Variants in HDAC9 observed in about 807,000 individuals in gnomAD.
HDAC9 encodes MEF-2 interacting transcription repressor (MITR) protein.
Under a neutral mutation model 139.4 loss-of-function variants are expected in HDAC9, and 41 were observed. That is an observed-to-expected ratio of 0.29 (90% confidence interval 0.23 to 0.38). The LOEUF (loss-of-function observed/expected upper bound fraction) is 0.38. HDAC9 is among the 10% of genes least tolerant of loss of function. The pLI is 1.00. For synonymous variants in HDAC9, 517 were observed against 476.2 expected, an observed-to-expected ratio of 1.09 and a Z score of -1.12; for missense variants, 1,147 against 1,297.0, an observed-to-expected ratio of 0.88 and a Z score of 1.78.
intron 1 of HDAC9, among the ~76,000 whole-genome samples, chr7:18,341,638 G>A (rs185896349): frequency 4.2e-4 from 64 of 151,602 alleles, no homozygotes; most frequent in South Asian, 1.0e-3. Flanking sequence ...GGACATAGGG[G>A]ATACAGTGAC....
chr7:18,408,282 A>G (rs957660078), intron 1 of HDAC9, among the ~76,000 whole-genome samples: 1 of 152,220 alleles, frequency 6.6e-6, no homozygotes, highest in African/African-American at 2.4e-5. Context: ...TGTTTCTACA[A>G]TACATAATTC....
At chr7:18,976,955 C>G (rs1047159591) in intron 25 of HDAC9, among the ~76,000 whole-genome samples, 1 of 152,128 alleles carries the variant, frequency 6.6e-6, no homozygotes, top group South Asian at 2.1e-4. Context: ...TGCACAAATA[C>G]GAACAGTTCT....
chr7:18,977,674 T>G (rs950656240), intron 25 of HDAC9, among the ~76,000 whole-genome samples: 2 of 152,146 alleles, frequency 1.3e-5, no homozygotes, highest in Admixed American at 1.3e-4. Context: ...ATGTGAATGT[T>G]CTGATGTGCA....
intron 2 of HDAC9, among the ~76,000 whole-genome samples, chr7:18,267,520 T>C (rs529524317): frequency 6.6e-6 from 1 of 152,218 alleles, no homozygotes; most frequent in South Asian, 2.1e-4. Context: ...TATAGAATTC[T>C]ACCTATAAGT....
At chr7:18,939,483 A>C (rs1482233310) in intron 23 of HDAC9, among the ~76,000 whole-genome samples, 1 of 152,224 alleles carries the variant, frequency 6.6e-6, no homozygotes, top group Non-Finnish European at 1.5e-5. Context: ...CATAAAACAC[A>C]TTAAAGAATG....
At chr7:18,802,421 A>T (rs142215867) in intron 17 of HDAC9, among the ~76,000 whole-genome samples, 304 of 152,106 alleles carry the variant, frequency 2.0e-3, no homozygotes, top group African/African-American at 6.9e-3. Flanking sequence ...CGCTTTATTG[A>T]CAAGTGTTCT....
At chr7:18,513,287 A>G (rs566679061) in intron 2 of HDAC9, among the ~76,000 whole-genome samples, 2 of 152,362 alleles carry the variant, frequency 1.3e-5, no homozygotes, top group South Asian at 4.1e-4. Flanking sequence ...TGAGAGAAGT[A>G]CACAATGTTT....
At chr7:18,357,047 G>A (rs879846565) in intron 1 of HDAC9, among the ~76,000 whole-genome samples, 5 of 152,002 alleles carry the variant, frequency 3.3e-5, no homozygotes, top group Admixed American at 6.6e-5. Flanking sequence ...TCATCCCCAC[G>A]ATTAATGGCA....
In HDAC9 at chr7:18,996,177, A is replaced by G. The variant is rs1266753822; in HGVS notation, c.*115A>G. On this transcript the variant is annotated 3_prime_UTR_variant, in exon 26 of 26. Transcript: ENST00000686413. ...CTGGGTGGCACAGATTCAATGGAAC[A>G]TAAACACTGGGCACAAAATTCTGAA... The G allele has an allele frequency of 2.9e-6, 2 of 699,934 alleles. No individual in the cohort carries two copies. The highest frequency in any genetic ancestry group is 2.9e-5 in the East Asian group (1 of 34,910). The allele number at this position is 699,934 out of a possible 1,614,324, so 43.4% of individuals were successfully genotyped here.
In HDAC9 at chr7:18,181,316, G is replaced by A. The variant is rs529919125; in HGVS notation, c.25+18967G>A. Among the ~76,000 whole-genome samples, 10 of 152,284 alleles carry A rather than the reference G, an allele frequency of 6.6e-5. No individual in the cohort carries two copies. In the East Asian group the frequency reaches 1.9e-3, roughly 29 times the overall value. On this transcript the variant is annotated intron_variant, in intron 2 of 12. Transcript: ENST00000417496. ...GTGCCAGACACTGTTCTAGGCAATA[G>A]GAATAACCCACTGATCATGCCTTTA... is the stretch of plus-strand genomic sequence containing the variant.
At chr7:18,236,210 A>C (rs754051039) in intron 2 of HDAC9, among the ~76,000 whole-genome samples, 4 of 152,204 alleles carry the variant, frequency 2.6e-5, no homozygotes, top group Non-Finnish European at 5.9e-5. Context: ...CATCAGCATC[A>C]ACTAGGAACT....
At chr7:18,242,116 G>A (rs1473434757) in intron 2 of HDAC9, among the ~76,000 whole-genome samples, 1 of 151,910 alleles carries the variant, frequency 6.6e-6, no homozygotes, top group African/African-American at 2.4e-5. Context: ...CTGGGTATCT[G>A]CTTGTCATTC....
At chr7:18,833,067 G>A (rs1795976238) in intron 19 of HDAC9, among the ~76,000 whole-genome samples, 1 of 152,132 alleles carries the variant, frequency 6.6e-6, no homozygotes, top group African/African-American at 2.4e-5. Context: ...AGGCTATACT[G>A]TGAGTTGTTC....
At position 18,613,963 on chromosome 7, in the gene HDAC9, ACCTGAGGTT is replaced by A. The variant is rs747969861; in HGVS notation, c.665-15374_665-15366del. On this transcript the variant is annotated intron_variant, in intron 6 of 25. Coordinates refer to ENST00000686413, the MANE Select transcript of HDAC9 (RefSeq NM_178425.4). The stretch of plus-strand genomic sequence containing the variant: ...GTCCTTTAAATATGAAGCTCATGAA[ACCTGAGGTT>A]CCTGAGGTTCCTAAAGTTGCATTGT... 1.1e-4 allele frequency among the ~76,000 whole-genome samples: 16 copies of A among 152,106 alleles called. No homozygotes were observed. The South Asian group carries it at 1.5e-3, about 14-fold the overall frequency.
intron 12 of HDAC9, among the ~76,000 whole-genome samples, chr7:18,704,926 T>TATC (rs1411011462): frequency 6.6e-6 from 1 of 152,208 alleles, no homozygotes; most frequent in East Asian, 1.9e-4. Context: ...TTTTGTTTTA[T>TATC]TGATATGAGG....
intron 12 of HDAC9, among the ~76,000 whole-genome samples, chr7:18,689,118 A>G (rs1782488980): frequency 6.6e-6 from 1 of 151,702 alleles, no homozygotes; most frequent in Non-Finnish European, 1.5e-5. Context: ...ACTTACAAAC[A>G]TACACACCAT....
intron 11 of HDAC9, among the ~76,000 whole-genome samples, chr7:18,657,802 A>G (rs190433041): frequency 2.6e-5 from 4 of 152,278 alleles, no homozygotes; most frequent in Non-Finnish European, 4.4e-5. Context: ...TATGGTTAAA[A>G]CACCCTACTT....
chr7:18,344,557 T>G (rs1210305217), intron 1 of HDAC9, among the ~76,000 whole-genome samples: 1 of 152,010 alleles, frequency 6.6e-6, no homozygotes, highest in Non-Finnish European at 1.5e-5. Flanking sequence ...TAAATCAAAT[T>G]AATCTACCAT....
At chr7:18,474,530 C>T (rs1415239716) in intron 1 of HDAC9, among the ~76,000 whole-genome samples, 1 of 152,070 alleles carries the variant, frequency 6.6e-6, no homozygotes, top group Non-Finnish European at 1.5e-5. Flanking sequence ...TATCTTTGAA[C>T]TATAGTTTTT....
Sources: gnomAD v4.1 joint callset for allele counts (sites outside exome capture counted in the v4.1 genomes callset) on GRCh38, gnomAD v4.1.1 for gene constraint, MANE v1.5 for transcripts, NCBI Gene and HGNC (gene_info 2026-07-23, HGNC 2026-07-21) for gene names.